ESRRG: variants seen among roughly 807,000 people sequenced by gnomAD.
The protein encoded by ESRRG is estrogen-related receptor gamma.
Under a neutral mutation model 44.0 loss-of-function variants are expected in ESRRG, and 13 were observed. That is an observed-to-expected ratio of 0.30 (90% confidence interval 0.19 to 0.47). ESRRG has a LOEUF of 0.47. Ranked by LOEUF, ESRRG falls within the 20% of genes least tolerant of loss-of-function variation. The pLI, the probability that ESRRG is intolerant of heterozygous loss-of-function variation, is 1.00. For missense variants in ESRRG, 395 were observed against 580.6 expected, an observed-to-expected ratio of 0.68 and a Z score of 3.29; for synonymous variants, 215 against 214.6, an observed-to-expected ratio of 1.00 and a Z score of -0.02.
At chr1:216,773,998 C>A (rs2093489274) in intron 2 of ESRRG, among the ~76,000 whole-genome samples, 1 of 152,004 alleles carries the variant, frequency 6.6e-6, no homozygotes, top group Non-Finnish European at 1.5e-5. Context: ...TGTTTATATA[C>A]CACTGCATTT....
At chr1:216,928,018 A>G (rs1322654216) in intron 2 of ESRRG, among the ~76,000 whole-genome samples, 1 of 152,214 alleles carries the variant, frequency 6.6e-6, no homozygotes, top group Non-Finnish European at 1.5e-5. Context: ...CAGTTACTGA[A>G]AAGACAAAGA....
intron 1 of ESRRG, among the ~76,000 whole-genome samples, chr1:217,012,232 A>G (rs1330487781): frequency 6.6e-6 from 1 of 152,162 alleles, no homozygotes; most frequent in Admixed American, 6.5e-5. Context: ...TGAGAAACCC[A>G]TCTATTTCTA....
At chr1:217,036,817 T>TA (rs1219274091) in intron 1 of ESRRG, among the ~76,000 whole-genome samples, 10 of 124,000 alleles carry the variant, frequency 8.1e-5, no homozygotes, top group East Asian at 2.2e-4. Context: ...AACTTAAAAG[T>TA]AAAAAAAAAG....
At chr1:216,972,009 G>T (rs918554141) in intron 1 of ESRRG, among the ~76,000 whole-genome samples, 1 of 152,150 alleles carries the variant, frequency 6.6e-6, no homozygotes. Flanking sequence ...TGATTTTGAG[G>T]TTAGGGTGTT....
chr1:216,674,217 A>G (rs1392605802), intron 2 of ESRRG, among the ~76,000 whole-genome samples: 1 of 152,236 alleles, frequency 6.6e-6, no homozygotes, highest in Admixed American at 6.5e-5. Flanking sequence ...TAGTGTTACC[A>G]AATAGACTGA....
chr1:216,539,308 T>C (rs924520652), intron 5 of ESRRG, among the ~76,000 whole-genome samples: 57 of 152,158 alleles, frequency 3.7e-4, no homozygotes, highest in African/African-American at 1.3e-3. Flanking sequence ...TATATATATA[T>C]ATAAGCCTTT....
intron 3 of ESRRG, among the ~76,000 whole-genome samples, chr1:216,589,220 A>G (rs1255428904): frequency 2.6e-5 from 4 of 152,202 alleles, no homozygotes; most frequent in African/African-American, 9.6e-5. Flanking sequence ...ATATGAAAAT[A>G]TAAGTGCAGA....
intron 1 of ESRRG, among the ~76,000 whole-genome samples, chr1:217,047,540 CG>C: frequency 6.6e-6 from 1 of 152,240 alleles, no homozygotes; most frequent in East Asian, 1.9e-4. Context: ...GTCCAAGCTA[CG>C]AATATCTTTC....
rs769614038 is a variant in ESRRG, at chr1:216,843,063, A to G, written c.-14+96519T>C. 1.3e-5 allele frequency among the ~76,000 whole-genome samples: 2 copies of G among 152,088 alleles called. 1 individual carries two copies. The highest frequency in any genetic ancestry group is 4.8e-5 in the African/African-American group (2 of 41,424). On this transcript the variant is annotated intron_variant, in intron 2 of 7. Coordinates refer to the ESRRG transcript ENST00000359162. ...CCTTTCTACCTTGTCCAAATTCATG[A>G]TGATCAGGGAATTGGACAGAAAACC...
intron 2 of ESRRG, among the ~76,000 whole-genome samples, chr1:216,662,588 A>C (rs1292412871): frequency 6.6e-6 from 1 of 151,874 alleles, no homozygotes; most frequent in East Asian, 1.9e-4. Flanking sequence ...CAGGAAGAGT[A>C]AGAAAGAAAA....
chr1:216,658,895 GAAGA>G (rs1294848324), intron 2 of ESRRG, among the ~76,000 whole-genome samples: 2 of 106,388 alleles, frequency 1.9e-5, no homozygotes, highest in Admixed American at 9.0e-5. Flanking sequence ...GAAGAGAAGA[GAAGA>G]GAAGAGAAGA....
At chr1:217,061,308 AATAG>A (rs1302084155) in intron 1 of ESRRG, among the ~76,000 whole-genome samples, 1 of 152,134 alleles carries the variant, frequency 6.6e-6, no homozygotes, top group African/African-American at 2.4e-5. Flanking sequence ...TGAAATCGCA[AATAG>A]ATAACAAAAT....
intron 2 of ESRRG, among the ~76,000 whole-genome samples, chr1:216,938,317 G>A (rs188325544): frequency 4.6e-5 from 7 of 152,286 alleles, no homozygotes; most frequent in South Asian, 2.1e-4. Flanking sequence ...CCTGTAGTCC[G>A]TGAGAAGTAG....
chr1:216,780,845 A>G (rs1294721702), intron 2 of ESRRG, among the ~76,000 whole-genome samples: 1 of 152,034 alleles, frequency 6.6e-6, no homozygotes, highest in East Asian at 1.9e-4. Flanking sequence ...TTGTAGCCCT[A>G]GCATGAGAGG....
chr1:217,046,717 C>G (rs916454591), intron 1 of ESRRG, among the ~76,000 whole-genome samples: 1 of 152,020 alleles, frequency 6.6e-6, no homozygotes, highest in Non-Finnish European at 1.5e-5. Flanking sequence ...GACCCCATCT[C>G]TACAAATGAT....
chr1:216,678,621 A>G (rs896042088), intron 1 of ESRRG, among the ~76,000 whole-genome samples: 6 of 152,202 alleles, frequency 3.9e-5, no homozygotes, highest in Non-Finnish European at 7.3e-5. Flanking sequence ...TGGAAAGGTA[A>G]TTAGATGAAA....
chr1:216,725,966 G>C (rs533746532), upstream of ESRRG, among the ~76,000 whole-genome samples: 2 of 152,204 alleles, frequency 1.3e-5, no homozygotes, highest in East Asian at 3.9e-4. Context: ...TCGTACAAGT[G>C]ATCTTTAATT....
intron 2 of ESRRG, among the ~76,000 whole-genome samples, chr1:216,838,289 T>C (rs950552487): frequency 5.3e-5 from 8 of 152,222 alleles, no homozygotes; most frequent in Non-Finnish European, 8.8e-5. Context: ...AAACAAGCTC[T>C]AGTGTGGCAA....
intron 2 of ESRRG, among the ~76,000 whole-genome samples, chr1:216,757,285 A>G (rs1414251912): frequency 2.0e-5 from 3 of 151,844 alleles, no homozygotes. Context: ...CCCCAGCAGT[A>G]CTCTACTTCT....
Sources: gnomAD v4.1 joint callset for allele counts (sites outside exome capture counted in the v4.1 genomes callset) on GRCh38, gnomAD v4.1.1 for gene constraint, MANE v1.5 for transcripts, NCBI Gene and HGNC (gene_info 2026-07-23, HGNC 2026-07-21) for gene names.